Variants in GRM8 observed in about 807,000 individuals in gnomAD.
GRM8 encodes glutamate metabotropic receptor 8.
Under a neutral mutation model 87.2 loss-of-function variants are expected in GRM8, and 47 were observed. The ratio of observed to expected loss-of-function variants is 0.54; its 90% CI spans 0.43 to 0.69. The LOEUF (loss-of-function observed/expected upper bound fraction) is 0.69, where lower values mean the gene tolerates loss of function less well. Among genes scored for constraint, GRM8 ranks in the 30% least tolerant of loss-of-function variants. The pLI, the probability that GRM8 is intolerant of heterozygous loss-of-function variation, is 0.00. For missense variants in GRM8, 1,019 were observed against 1,139.2 expected (o/e 0.89, Z 1.52); for synonymous variants, 396 against 404.5 (o/e 0.98, Z 0.25).
At chr7:126,827,207 T>A (rs930988596) in intron 6 of GRM8, among the ~76,000 whole-genome samples, 6 of 152,202 alleles carry the variant, frequency 3.9e-5, no homozygotes, top group Non-Finnish European at 8.8e-5. Context: ...GGGCTCTTTT[T>A]TGGTTCCATA....
intron 3 of GRM8, among the ~76,000 whole-genome samples, chr7:127,040,892 A>G (rs1290312558): frequency 3.9e-5 from 6 of 152,358 alleles, no homozygotes; most frequent in Admixed American, 2.0e-4. Context: ...CAAACAGTAC[A>G]TGAATAGAAA....
intron 2 of GRM8, among the ~76,000 whole-genome samples, chr7:127,218,903 G>A (rs1262412112): frequency 6.6e-6 from 1 of 152,200 alleles, no homozygotes; most frequent in Non-Finnish European, 1.5e-5. Context: ...GGTTCTGTCT[G>A]TCATTATGAA....
At chr7:126,501,267 T>A (rs1809602103) in intron 9 of GRM8, among the ~76,000 whole-genome samples, 1 of 152,054 alleles carries the variant, frequency 6.6e-6, no homozygotes, top group Non-Finnish European at 1.5e-5. Flanking sequence ...GAGCAGGGCT[T>A]CATTATGGAG....
At chr7:126,995,659 T>C (rs1207437894) in intron 3 of GRM8, among the ~76,000 whole-genome samples, 2 of 152,080 alleles carry the variant, frequency 1.3e-5, no homozygotes, top group Non-Finnish European at 2.9e-5. Context: ...GGTAATATAC[T>C]GTCAAAGGAG....
chr7:127,072,491 T>G (rs995155112), intron 3 of GRM8, among the ~76,000 whole-genome samples: 4 of 152,290 alleles, frequency 2.6e-5, no homozygotes, highest in Admixed American at 2.6e-4. Context: ...CCACTCCAGA[T>G]TATATTGATC....
In GRM8 at chr7:127,169,495, T is replaced by C. The variant is rs572331625; in HGVS notation, c.511-62783A>G. Among the ~76,000 whole-genome samples the C allele has an allele frequency of 5.3e-5, 8 of 152,330 alleles. No individual in the cohort carries two copies. In the East Asian group the frequency reaches 1.5e-3, roughly 29 times the overall value. On this transcript the variant is annotated intron_variant, in intron 2 of 10. Transcript: ENST00000339582. ...CAAGGGGAAGCAGCAAGGGCTGATGTAGAAGCTGCAGCAAGTTATCCAGAA... is the reference window on the plus strand; with the variant it reads ...CAAGGGGAAGCAGCAAGGGCTGATGCAGAAGCTGCAGCAAGTTATCCAGAA...
At chr7:127,187,412 G>A (rs17862315) in intron 2 of GRM8, among the ~76,000 whole-genome samples, 28,822 of 151,958 alleles carry the variant, frequency 0.19, 3,113 homozygotes, top group Non-Finnish European at 0.25. Flanking sequence ...AGCAGGAGTG[G>A]TTTTTTAACA....
chr7:126,655,054 T>TA (rs946541904), intron 7 of GRM8, among the ~76,000 whole-genome samples: 5 of 152,062 alleles, frequency 3.3e-5, no homozygotes, highest in African/African-American at 9.7e-5. Flanking sequence ...GCCAGAAAAG[T>TA]AAAAAAAGAA....
chr7:127,041,531 AT>A (rs1818430515), intron 3 of GRM8, among the ~76,000 whole-genome samples: 1 of 152,258 alleles, frequency 6.6e-6, no homozygotes, highest in Non-Finnish European at 1.5e-5. Context: ...ATTCTCTACC[AT>A]TTAAGAGGAA....
At chr7:126,565,490 G>A (rs1388929900) in intron 8 of GRM8, among the ~76,000 whole-genome samples, 1 of 151,968 alleles carries the variant, frequency 6.6e-6, no homozygotes, top group Non-Finnish European at 1.5e-5. Flanking sequence ...TAAGCCTAAG[G>A]AGATGAAAGA....
chr7:126,629,073 TTCGTGTAACTC>T (rs1319849392), intron 7 of GRM8, among the ~76,000 whole-genome samples: 1 of 152,204 alleles, frequency 6.6e-6, no homozygotes, highest in Non-Finnish European at 1.5e-5. Context: ...TTCTTTAACT[TTCGTGTAACTC>T]TGTGAATTAA....
intron 3 of GRM8, among the ~76,000 whole-genome samples, chr7:127,040,029 GA>G (rs1161537399): frequency 6.6e-4 from 23 of 34,824 alleles, no homozygotes; most frequent in Non-Finnish European, 1.3e-3. Context: ...GGTGAGGAGG[GA>G]GGGGAGGGTG....
intron 3 of GRM8, among the ~76,000 whole-genome samples, chr7:126,968,002 G>A (rs553693014): frequency 1.3e-5 from 2 of 152,216 alleles, no homozygotes; most frequent in Admixed American, 6.5e-5. Flanking sequence ...TATTCATGCA[G>A]AGTTAAATGT....
At chr7:127,191,943 T>C (rs1795050686) in intron 2 of GRM8, among the ~76,000 whole-genome samples, 1 of 152,212 alleles carries the variant, frequency 6.6e-6, no homozygotes, top group Non-Finnish European at 1.5e-5. Flanking sequence ...CATTTTTCTA[T>C]CTTCCATGCT....
intron 7 of GRM8, among the ~76,000 whole-genome samples, chr7:126,614,122 C>T (rs1015080047): frequency 1.2e-4 from 19 of 152,324 alleles, no homozygotes; most frequent in African/African-American, 4.1e-4. Context: ...CTGGGAGGCA[C>T]CTCCCAGTAG....
chr7:126,955,951 G>GT (rs950548644), intron 3 of GRM8, among the ~76,000 whole-genome samples: 1 of 151,888 alleles, frequency 6.6e-6, no homozygotes, highest in South Asian at 2.1e-4. Context: ...CATTTTAAAT[G>GT]TTTTTTTAAA....
At chr7:126,763,673 T>TCTATTCTGGTATTAGTTTC (rs1817872575) in intron 7 of GRM8, among the ~76,000 whole-genome samples, 25 of 88,574 alleles carry the variant, frequency 2.8e-4, no homozygotes, top group South Asian at 7.2e-4. Flanking sequence ...AGTTTAACAT[T>TCTATTCTGGTATTAGTTTC]ATGCTTAAGT....
chr7:126,995,404 C>T (rs76283492), intron 3 of GRM8, among the ~76,000 whole-genome samples: 2 of 152,292 alleles, frequency 1.3e-5, no homozygotes, highest in South Asian at 2.1e-4. Context: ...AGATATGTGG[C>T]CTTTCAGGCA....
chr7:127,133,346 AG>A (rs1241053535), intron 2 of GRM8, among the ~76,000 whole-genome samples: 2 of 151,830 alleles, frequency 1.3e-5, no homozygotes, highest in Middle Eastern at 3.2e-3. Flanking sequence ...TGAACCTGGG[AG>A]GCAGAGGTTG....
Sources: allele counts gnomAD v4.1 joint callset (sites outside exome capture counted in the v4.1 genomes callset), GRCh38; gene constraint gnomAD v4.1.1; transcripts MANE v1.5; gene names NCBI Gene and HGNC (gene_info 2026-07-23, HGNC 2026-07-21).